LMO7: variants seen among roughly 807,000 people sequenced by gnomAD.
The protein encoded by LMO7 is LIM domain 7.
LMO7 carries 120 observed loss-of-function variants against 206.5 expected under a neutral mutation model. The ratio of observed to expected loss-of-function variants is 0.58; its 90% CI spans 0.50 to 0.68. The LOEUF (loss-of-function observed/expected upper bound fraction) is 0.68, where lower values mean the gene tolerates loss of function less well. LMO7 is among the 30% of genes least tolerant of loss of function. LMO7 has a pLI of 0.00. For missense variants in LMO7, 1,959 were observed against 1,957.9 expected, an observed-to-expected ratio of 1.00 and a Z score of -0.01; for synonymous variants, 706 against 681.5, an observed-to-expected ratio of 1.04 and a Z score of -0.56.
At chr13:75,726,184 G>T (rs140265948) in intron 2 of LMO7, among the ~76,000 whole-genome samples, 50 of 152,064 alleles carry the variant, frequency 3.3e-4, no homozygotes, top group African/African-American at 1.2e-3. Context: ...AATTAACCAA[G>T]CTAACATTAA....
rs541490188 is a variant in LMO7 at position 75,823,664 on chromosome 13, C to T, written c.2740C>T (p.Leu914=). Residue 914 remains leucine, a synonymous_variant, in exon 15 of 31, where the codon CTG becomes TTG. Transcript: ENST00000377534. ...TPAPSPDASQ[L]ASSLSSQKEV... ...TGCACCAAGCCCGGACGCAAGCCAA[C>T]TGGCTTCAAGCTTATCTAGCCAGAA... The T allele has an allele frequency of 1.8e-5, 29 of 1,614,178 alleles. No individual in the cohort carries two copies. In the African/African-American group the frequency reaches 1.9e-4, roughly 10 times the overall value.
intron 1 of LMO7, among the ~76,000 whole-genome samples, chr13:75,669,395 G>T (rs9593115): frequency 6.6e-6 from 1 of 151,994 alleles, no homozygotes; most frequent in Non-Finnish European, 1.5e-5. Flanking sequence ...CGCCAAATCT[G>T]TATGTTATCC....
intron 9 of LMO7, chr13:75,806,073 C>T (rs1049262104): frequency 9.1e-7 from 1 of 1,104,320 alleles, no homozygotes; most frequent in Non-Finnish European, 1.1e-6. Context: ...GGAATTCAGA[C>T]TCTGAGGATG....
At chr13:75,725,597 T>C (rs1485208079) in intron 2 of LMO7, among the ~76,000 whole-genome samples, 1 of 152,068 alleles carries the variant, frequency 6.6e-6, no homozygotes, top group Non-Finnish European at 1.5e-5. Flanking sequence ...TACTCAATTC[T>C]TTTCTGACTC....
At chr13:75,722,527 C>CA (rs1273494711) in intron 2 of LMO7, among the ~76,000 whole-genome samples, 6 of 151,608 alleles carry the variant, frequency 4.0e-5, no homozygotes, top group African/African-American at 7.3e-5. Flanking sequence ...TGACCATAAT[C>CA]AAAAAATTAA....
chr13:75,634,458 C>T (rs1221253838), upstream of LMO7, among the ~76,000 whole-genome samples: 1 of 151,370 alleles, frequency 6.6e-6, no homozygotes, highest in Non-Finnish European at 1.5e-5. Context: ...CAAACAAGAA[C>T]GGCTGGGGGC....
intron 1 of LMO7, among the ~76,000 whole-genome samples, chr13:75,697,775 T>C (rs763829234): frequency 3.3e-5 from 5 of 152,226 alleles, no homozygotes; most frequent in African/African-American, 7.2e-5. Context: ...GGAAATAAAA[T>C]TACTACTTGA....
intron 2 of LMO7, among the ~76,000 whole-genome samples, chr13:75,628,908 A>G (rs1165044111): frequency 6.6e-6 from 1 of 152,148 alleles, no homozygotes; most frequent in African/African-American, 2.4e-5. Flanking sequence ...ACTTGGGCCT[A>G]AGGTTCACTT....
intron 3 of LMO7, among the ~76,000 whole-genome samples, chr13:75,748,694 G>T (rs577255997): frequency 6.2e-4 from 95 of 152,252 alleles, no homozygotes; most frequent in African/African-American, 2.3e-3. Context: ...GTAGGGAAGG[G>T]GCTCTCATAG....
At chr13:75,753,240 A>G (rs140114995) in intron 3 of LMO7, among the ~76,000 whole-genome samples, 1 of 152,112 alleles carries the variant, frequency 6.6e-6, no homozygotes, top group Non-Finnish European at 1.5e-5. Flanking sequence ...AGGTTTATTC[A>G]TATCCTTGGC....
chr13:75,636,419 C>A lies in LMO7; in HGVS notation c.-239C>A, dbSNP rs1345728580. 1 of 1,355,172 alleles carries A rather than the reference C, an allele frequency of 7.4e-7. No individual in the cohort carries two copies. Among genetic ancestry groups the A allele is most frequent in the Admixed American group, 3.5e-5 (1 of 28,382 alleles). The allele number at this position is 1,355,172 out of a possible 1,614,324, so 83.9% of individuals were successfully genotyped here. ...CCTGACTGCCCGGGTCCCCGCGGGC[C>A]TTGGGTCGCTTTCAGGAGTTTAGAG... On this transcript the variant is annotated 5_prime_UTR_variant, in exon 1 of 31. Coordinates refer to ENST00000377534, the MANE Select transcript of LMO7 (RefSeq NM_001306080.2).
chr13:75,755,368 A>G (rs1187121453), intron 3 of LMO7, among the ~76,000 whole-genome samples: 1 of 151,836 alleles, frequency 6.6e-6, no homozygotes, highest in Non-Finnish European at 1.5e-5. Flanking sequence ...TGTTTTCCAT[A>G]ATGGTATTCT....
intron 1 of LMO7, among the ~76,000 whole-genome samples, chr13:75,648,007 C>T (rs1039116376): frequency 7.2e-5 from 9 of 125,562 alleles, no homozygotes; most frequent in African/African-American, 2.7e-4. Context: ...TATAGTGGTG[C>T]AGCAATCATA....
intron 1 of LMO7, among the ~76,000 whole-genome samples, chr13:75,681,706 G>GTGTGTATATA (rs1259746833): frequency 1.1e-3 from 99 of 93,290 alleles, no homozygotes; most frequent in African/African-American, 2.5e-3. Flanking sequence ...GTATGTATGT[G>GTGTGTATATA]TATATATATA....
intron 1 of LMO7, among the ~76,000 whole-genome samples, chr13:75,645,262 C>T (rs942482215): frequency 1.3e-5 from 2 of 152,082 alleles, no homozygotes; most frequent in African/African-American, 2.4e-5. Context: ...TTGTTAGTAC[C>T]AAAGCTGGGA....
At chr13:75,682,475 C>A (rs2040616791) in intron 1 of LMO7, among the ~76,000 whole-genome samples, 1 of 151,924 alleles carries the variant, frequency 6.6e-6, no homozygotes, top group East Asian at 1.9e-4. Flanking sequence ...TTTTTTGCCA[C>A]CCAGGATGGG....
rs1406939347 is a variant in LMO7 at position 75,727,068 on chromosome 13, C to T, written c.180C>T (p.Ile60=). 1 of 1,589,112 alleles carries T rather than the reference C, an allele frequency of 6.3e-7. No homozygotes were observed. Residue 60 remains isoleucine, a synonymous_variant, in exon 3 of 31, where the codon ATC becomes ATT. Transcript: ENST00000377534. ...TTAAACCTGGCGTCATTAAGAAGAT[C>T]AATAGACTGTCTACACCAATAGCAG... is the stretch of plus-strand genomic sequence containing the variant. The part of the protein sequence containing the change: ...NKLKPGVIKK[I]NRLSTPIAGL...
intron 4 of LMO7, among the ~76,000 whole-genome samples, chr13:75,770,756 A>G (rs1171839570): frequency 6.6e-6 from 1 of 152,256 alleles, no homozygotes; most frequent in African/African-American, 2.4e-5. Context: ...GAGCTTTCGA[A>G]CACTGTCAAG....
intron 1 of LMO7, among the ~76,000 whole-genome samples, chr13:75,710,594 CTGTT>C (rs1482680611): frequency 7.9e-5 from 12 of 151,798 alleles, no homozygotes; most frequent in Non-Finnish European, 1.2e-4. Flanking sequence ...ATTTGGCTCT[CTGTT>C]TGTCTGTTAT....
Sources: gnomAD v4.1 joint callset for allele counts (sites outside exome capture counted in the v4.1 genomes callset) on GRCh38, gnomAD v4.1.1 for gene constraint, MANE v1.5 for transcripts, NCBI Gene and HGNC (gene_info 2026-07-23, HGNC 2026-07-21) for gene names.